Variants in KCNB2 observed in about 807,000 individuals in gnomAD.
The protein encoded by KCNB2 is potassium voltage-gated channel subfamily B member 2.
In KCNB2, 15 loss-of-function variants were observed where a neutral mutation model predicts 61.5. The ratio of observed to expected loss-of-function variants is 0.24; its 90% CI spans 0.16 to 0.38. The LOEUF (loss-of-function observed/expected upper bound fraction) is 0.38, where lower values mean the gene tolerates loss of function less well. Among genes scored for constraint, KCNB2 ranks in the 10% least tolerant of loss-of-function variants. The pLI, the probability that KCNB2 is intolerant of heterozygous loss-of-function variation, is 1.00. For missense variants in KCNB2, 828 were observed against 1,125.2 expected (o/e 0.74, Z 3.78); for synonymous variants, 457 against 446.0 (o/e 1.02, Z -0.31).
intron 2 of KCNB2, among the ~76,000 whole-genome samples, chr8:72,882,717 T>C (rs959658418): frequency 8.0e-6 from 1 of 125,756 alleles, no homozygotes; most frequent in Non-Finnish European, 1.8e-5. Flanking sequence ...AGAAATAGAA[T>C]GAATAGGAAA....
intron 2 of KCNB2, among the ~76,000 whole-genome samples, chr8:72,689,049 G>A (rs1000910588): frequency 3.9e-5 from 6 of 151,962 alleles, no homozygotes; most frequent in African/African-American, 1.5e-4. Flanking sequence ...TTTAATTTGT[G>A]GTACATTATG....
chr8:72,796,688 C>T (rs950991631), intron 2 of KCNB2, among the ~76,000 whole-genome samples: 8 of 151,962 alleles, frequency 5.3e-5, no homozygotes, highest in African/African-American at 9.7e-5. Context: ...ATCAAAATGC[C>T]CTAAAAACTC....
intron 2 of KCNB2, among the ~76,000 whole-genome samples, chr8:72,771,350 T>C: frequency 6.6e-6 from 1 of 152,240 alleles, no homozygotes; most frequent in East Asian, 1.9e-4. Context: ...ATAAAGTGAT[T>C]TCCTTTTTAT....
In KCNB2 at chr8:72,608,013, C is replaced by G. The variant is rs536710465; in HGVS notation, c.579+39700C>G. ...AGCCAGCATTTGAGCAGGAACCAAG[C>G]AGATAATGTCCTGCCTAATGGAGCT... is the stretch of plus-strand genomic sequence containing the variant. On this transcript the variant is annotated intron_variant, in intron 2 of 2. Coordinates refer to ENST00000523207, the MANE Select transcript of KCNB2 (RefSeq NM_004770.3). Among the ~76,000 whole-genome samples the G allele has an allele frequency of 7.9e-5, 12 of 152,278 alleles. No individual in the cohort carries two copies. The South Asian group carries it at 2.5e-3, about 32-fold the overall frequency.
chr8:72,644,055 T>A (rs1806093446), intron 2 of KCNB2, among the ~76,000 whole-genome samples: 1 of 152,142 alleles, frequency 6.6e-6, no homozygotes, highest in Non-Finnish European at 1.5e-5. Context: ...ATTCAGTGAA[T>A]AAGTAATGAT....
chr8:72,717,610 A>T (rs1337562421), intron 2 of KCNB2, among the ~76,000 whole-genome samples: 5 of 152,172 alleles, frequency 3.3e-5, no homozygotes, highest in African/African-American at 1.2e-4. Flanking sequence ...GGCTAGCCAT[A>T]TGTAGAAAGC....
At chr8:72,696,697 T>C (rs1207399749) in intron 2 of KCNB2, among the ~76,000 whole-genome samples, 1 of 152,190 alleles carries the variant, frequency 6.6e-6, no homozygotes, top group Non-Finnish European at 1.5e-5. Flanking sequence ...GATTCTGCTG[T>C]ATTATCTAAG....
chr8:72,709,098 T>G (rs1337677346), intron 2 of KCNB2, among the ~76,000 whole-genome samples: 1 of 152,182 alleles, frequency 6.6e-6, no homozygotes, highest in Non-Finnish European at 1.5e-5. Context: ...ACTAACATTA[T>G]TTACTTCCCC....
intron 2 of KCNB2, among the ~76,000 whole-genome samples, chr8:72,712,368 C>A (rs983627478): frequency 3.3e-5 from 5 of 152,096 alleles, no homozygotes; most frequent in African/African-American, 9.7e-5. Context: ...GGTTTCTTAC[C>A]CTCTTTTATC....
In KCNB2 at chr8:72,875,538, CTTTTTTTTT is replaced by C. The variant is rs1202722527; in HGVS notation, c.580-60373_580-60365del. Among the ~76,000 whole-genome samples, 3 of 7,644 alleles carry C rather than the reference CTTTTTTTTT, an allele frequency of 3.9e-4. 1 individual carries two copies. Among genetic ancestry groups the C allele is most frequent in the East Asian group, 2.9e-3 (3 of 1,024 alleles). 5.0% of individuals were successfully genotyped at this position (7,644 alleles called of 152,430 possible). Reference sequence around the variant, plus strand: ...AAGGAAATCTCTGCTCATTGCAAATCTTTTTTTTTTTTTTTTTTTTTTTTTTTTTTTTAT... The same window carrying C: ...AAGGAAATCTCTGCTCATTGCAAATCTTTTTTTTTTTTTTTTTTTTTTTAT... On this transcript the variant is annotated intron_variant, in intron 2 of 2. Coordinates refer to ENST00000523207, the MANE Select transcript of KCNB2 (RefSeq NM_004770.3).
rs189183500 is a variant in KCNB2, at chr8:72,570,926, C to T, written c.579+2613C>T. On this transcript the variant is annotated intron_variant, in intron 2 of 2. Coordinates refer to ENST00000523207, the MANE Select transcript of KCNB2 (RefSeq NM_004770.3). Reference sequence around the variant, plus strand: ...ACACACATTAAAGTAGATACTTAGACACTCCATTCTTTCCAGAATTTAAAA... The same window carrying T: ...ACACACATTAAAGTAGATACTTAGATACTCCATTCTTTCCAGAATTTAAAA... Among the ~76,000 whole-genome samples the T allele has an allele frequency of 4.5e-4, 69 of 152,314 alleles. 1 individual carries two copies. The highest frequency in any genetic ancestry group is 2.4e-3 in the Admixed American group (37 of 15,310).
intron 2 of KCNB2, among the ~76,000 whole-genome samples, chr8:72,572,741 G>C (rs933030757): frequency 4.6e-5 from 7 of 152,294 alleles, no homozygotes; most frequent in African/African-American, 1.7e-4. Flanking sequence ...GAAAAATTAA[G>C]TTAAATTGAA....
rs150209653 is a variant in KCNB2, at chr8:72,772,036, G to A, written c.580-163899G>A. 6.6e-3 allele frequency among the ~76,000 whole-genome samples: 1,001 copies of A among 152,202 alleles called. 10 individuals are homozygous for A. The highest frequency in any genetic ancestry group is 0.023 in the African/African-American group (962 of 41,528). On this transcript the variant is annotated intron_variant, in intron 2 of 2. Coordinates refer to ENST00000523207, the MANE Select transcript of KCNB2 (RefSeq NM_004770.3). ...AGGAAGAAAGCTAAGACCACAGTTGGTGATGAACCCACCAAAACACCAGTT... is the reference window on the plus strand; with the variant it reads ...AGGAAGAAAGCTAAGACCACAGTTGATGATGAACCCACCAAAACACCAGTT...
At chr8:72,704,200 T>C (rs1159222460) in intron 2 of KCNB2, among the ~76,000 whole-genome samples, 1 of 152,152 alleles carries the variant, frequency 6.6e-6, no homozygotes, top group Non-Finnish European at 1.5e-5. Context: ...CAAATAACCT[T>C]TTATATAAAG....
chr8:72,703,380 T>C (rs1807166458), intron 2 of KCNB2, among the ~76,000 whole-genome samples: 1 of 152,202 alleles, frequency 6.6e-6, no homozygotes, highest in South Asian at 2.1e-4. Flanking sequence ...CACAGAGAGC[T>C]GGACTGGGCA....
At chr8:72,587,400 A>G (rs1807016700) in intron 2 of KCNB2, among the ~76,000 whole-genome samples, 1 of 152,154 alleles carries the variant, frequency 6.6e-6, no homozygotes. Context: ...TGTTACATCT[A>G]AATACACTTA....
chr8:72,833,416 A>C (rs1184358598), intron 2 of KCNB2, among the ~76,000 whole-genome samples: 1 of 152,150 alleles, frequency 6.6e-6, no homozygotes, highest in Non-Finnish European at 1.5e-5. Flanking sequence ...ACAGATAAAA[A>C]GACTGCAGGA....
intron 2 of KCNB2, among the ~76,000 whole-genome samples, chr8:72,792,576 G>A (rs1277961077): frequency 6.6e-6 from 1 of 152,092 alleles, no homozygotes; most frequent in Non-Finnish European, 1.5e-5. Flanking sequence ...GGGCAGCCTA[G>A]GGAAAAAACT....
intron 2 of KCNB2, among the ~76,000 whole-genome samples, chr8:72,853,916 T>C (rs1196536996): frequency 6.6e-6 from 1 of 152,234 alleles, no homozygotes; most frequent in Non-Finnish European, 1.5e-5. Flanking sequence ...TACAAGTAGA[T>C]AGATATTTCC....
Sources: allele counts gnomAD v4.1 joint callset (sites outside exome capture counted in the v4.1 genomes callset), GRCh38; gene constraint gnomAD v4.1.1; transcripts MANE v1.5; gene names NCBI Gene and HGNC (gene_info 2026-07-23, HGNC 2026-07-21).